The following SEMA3E variants were observed in gnomAD, a reference collection of about 807,000 sequenced individuals.
SEMA3E encodes semaphorin 3E, also known as semaphorin-3E.
In SEMA3E, 49 loss-of-function variants were observed where a neutral mutation model predicts 93.6. That is an observed-to-expected ratio of 0.52 (90% CI 0.42 to 0.66). SEMA3E has a LOEUF of 0.66. SEMA3E is among the 30% of genes least tolerant of loss of function. The pLI is 0.00. For missense variants in SEMA3E, 906 were observed against 964.8 expected, an observed-to-expected ratio of 0.94 and a Z score of 0.81; for synonymous variants, 363 against 330.7, an observed-to-expected ratio of 1.10 and a Z score of -1.06.
At chr7:83,411,690 A>C (rs1223158521) in intron 5 of SEMA3E, among the ~76,000 whole-genome samples, 2 of 152,116 alleles carry the variant, frequency 1.3e-5, no homozygotes, top group Admixed American at 6.6e-5. Context: ...CTCTAATTAA[A>C]TTTATTATAA....
intron 1 of SEMA3E, among the ~76,000 whole-genome samples, chr7:83,541,100 G>A (rs919081052): frequency 6.6e-6 from 1 of 152,174 alleles, no homozygotes; most frequent in Non-Finnish European, 1.5e-5. Context: ...GATCAAGTTA[G>A]GTGAGAGTCT....
intron 4 of SEMA3E, among the ~76,000 whole-genome samples, chr7:83,428,174 G>A (rs370992845): frequency 8.5e-5 from 13 of 152,288 alleles, no homozygotes; most frequent in East Asian, 7.7e-4. Flanking sequence ...AGCTCTTTTC[G>A]ACAGGTGTGA....
chr7:83,556,934 T>C (rs1467427578), intron 1 of SEMA3E, among the ~76,000 whole-genome samples: 1 of 152,098 alleles, frequency 6.6e-6, no homozygotes, highest in Non-Finnish European at 1.5e-5. Flanking sequence ...CAAGGCACCA[T>C]CTCAGAAGCA....
chr7:83,471,322 TAA>T (rs200779672), intron 2 of SEMA3E, among the ~76,000 whole-genome samples: 9 of 129,892 alleles, frequency 6.9e-5, no homozygotes, highest in African/African-American at 1.9e-4. Flanking sequence ...ATTAAAACAT[TAA>T]AAAAAAAGTG....
intron 4 of SEMA3E, 102 bp from the exon 5 acceptor site, chr7:83,418,585 T>A: frequency 1.2e-6 from 1 of 826,406 alleles, no homozygotes; most frequent in Non-Finnish European, 2.0e-6. Flanking sequence ...ATAAAGCATG[T>A]ATTCTAAATA....
intron 16 of SEMA3E, chr7:83,372,428 T>C: frequency 2.5e-6 from 1 of 395,062 alleles, no homozygotes; most frequent in Non-Finnish European, 4.5e-6. Context: ...AAGCAGTTTA[T>C]GAAAGTGATT....
intron 16 of SEMA3E, among the ~76,000 whole-genome samples, chr7:83,382,284 A>C (rs1787790417): frequency 6.6e-6 from 1 of 152,034 alleles, no homozygotes; most frequent in Admixed American, 6.6e-5. Context: ...ACAATTCTTT[A>C]TAATAAAATG....
Position 83,648,477 on chromosome 7 carries a change from T to G in SEMA3E, c.66A>C (p.Gly22=). 6.2e-7 allele frequency: 1 copy of G among 1,612,914 alleles called. No homozygotes were observed. Among genetic ancestry groups the G allele is most frequent in the Non-Finnish European group, 8.5e-7 (1 of 1,179,776 alleles). The part of the protein sequence containing the change: ...LWGYLLELWT[G]GHTADTTHPR... ...GGTGGGTAGTATCAGCTGTATGACC[T>G]CCTGTCCAAAGCTCCAGTAAGTAAC... Residue 22 remains glycine, a synonymous_variant, in exon 1 of 17, where the codon GGA becomes GGC. Coordinates refer to ENST00000643230, the MANE Select transcript of SEMA3E (RefSeq NM_012431.3).
At chr7:83,604,404 TA>T (rs1441111988) in intron 1 of SEMA3E, among the ~76,000 whole-genome samples, 1 of 150,246 alleles carries the variant, frequency 6.7e-6, no homozygotes, top group Non-Finnish European at 1.5e-5. Context: ...AATTTGGTTT[TA>T]AACTTAAGTG....
chr7:83,418,505 T>C, intron 4 of SEMA3E, 22 bp from the exon 5 acceptor site: 1 of 1,494,728 alleles, frequency 6.7e-7, no homozygotes, highest in Non-Finnish European at 9.3e-7. Flanking sequence ...ACCAGAAAAA[T>C]CATTATGAAT....
chr7:83,522,836 T>G (rs1403717280), intron 1 of SEMA3E, among the ~76,000 whole-genome samples: 1 of 152,126 alleles, frequency 6.6e-6, no homozygotes, highest in Non-Finnish European at 1.5e-5. Context: ...ATCCAAGACT[T>G]TTTCCCTCAC....
chr7:83,405,804 C>CA, intron 8 of SEMA3E, 141 bp downstream of exon 8: 2 of 743,372 alleles, frequency 2.7e-6, no homozygotes, highest in Non-Finnish European at 4.6e-6. Context: ...CGTGCCTGGC[C>CA]AAAATGAAAA....
intron 16 of SEMA3E, among the ~76,000 whole-genome samples, chr7:83,377,800 A>T (rs60909458): frequency 0.12 from 18,361 of 151,944 alleles, 1,142 homozygotes; most frequent in East Asian, 0.15. Flanking sequence ...GCATATTTAA[A>T]TTTTTCCTCA....
chr7:83,416,139 G>A (rs945472860), intron 5 of SEMA3E, among the ~76,000 whole-genome samples: 3 of 152,086 alleles, frequency 2.0e-5, no homozygotes, highest in East Asian at 1.9e-4. Context: ...TCCACAGTGA[G>A]TGAATGATCT....
intron 16 of SEMA3E, chr7:83,372,028 T>C (rs1371614248): frequency 3.3e-5 from 12 of 368,448 alleles, no homozygotes; most frequent in Admixed American, 3.2e-4. Flanking sequence ...AAGACCTATT[T>C]CTTTATTCTT....
intron 4 of SEMA3E, among the ~76,000 whole-genome samples, chr7:83,443,487 AAG>A (rs1166471761): frequency 1.6e-4 from 24 of 152,214 alleles, no homozygotes; most frequent in African/African-American, 5.8e-4. Context: ...GAGTTAAGCA[AAG>A]GTTTATTTGC....
intron 1 of SEMA3E, among the ~76,000 whole-genome samples, chr7:83,635,370 T>G (rs188118525): frequency 6.6e-6 from 1 of 152,020 alleles, no homozygotes; most frequent in African/African-American, 2.4e-5. Flanking sequence ...TATAGACTTC[T>G]TTTTATAGAT....
intron 4 of SEMA3E, among the ~76,000 whole-genome samples, chr7:83,433,897 G>A (rs896805581): frequency 6.6e-6 from 1 of 151,960 alleles, no homozygotes; most frequent in African/African-American, 2.4e-5. Context: ...AATATACGAT[G>A]ATCCCAATCA....
rs1064796805 is a variant in SEMA3E, at chr7:83,387,048, C to T, written c.1670G>A (p.Arg557His). The T allele has an allele frequency of 2.5e-6, 4 of 1,612,668 alleles. No homozygotes were observed. Among genetic ancestry groups the T allele is most frequent in the Non-Finnish European group, 3.4e-6 (4 of 1,179,452 alleles). ...YYPTGTHAKR[R>H]FRRQDVRHGN... ...ATGTCGAACATCTTGTCTCCGGAAA[C>T]GCCTGAAAGAAAGTAAATGCATTTA... The change falls in exon 15 of 17, where the codon CGT (arginine) becomes CAT (histidine). Residue 557 changes from arginine to histidine, a missense_variant and splice_region_variant. Transcript: ENST00000643230.
Sources: gnomAD v4.1 joint callset for allele counts (sites outside exome capture counted in the v4.1 genomes callset) on GRCh38, gnomAD v4.1.1 for gene constraint, MANE v1.5 for transcripts, NCBI Gene and HGNC (gene_info 2026-07-23, HGNC 2026-07-21) for gene names.